The following GUCY1B1 variants were observed in gnomAD, a reference collection of about 807,000 sequenced individuals.
The protein encoded by GUCY1B1 is guanylate cyclase soluble subunit beta-1.
A neutral mutation model predicts 71.0 loss-of-function variants in GUCY1B1; 43 were observed. The ratio of observed to expected loss-of-function variants is 0.61; its 90% CI spans 0.47 to 0.78. The LOEUF (loss-of-function observed/expected upper bound fraction) is 0.78, where lower values mean the gene tolerates loss of function less well. Ranked by LOEUF, GUCY1B1 falls within the 30% of genes least tolerant of loss-of-function variation. The probability of loss-of-function intolerance (pLI) is 0.00; values close to 1 mark genes in which losing one functional copy is unlikely to be tolerated. For missense variants in GUCY1B1, 535 were observed against 754.1 expected, an observed-to-expected ratio of 0.71 and a Z score of 3.40; for synonymous variants, 266 against 259.7, an observed-to-expected ratio of 1.02 and a Z score of -0.23.
chr4:155,782,557 A>G (rs1738508410), intron 4 of GUCY1B1, among the ~76,000 whole-genome samples: 1 of 152,220 alleles, frequency 6.6e-6, no homozygotes. Context: ...CTATTGCATT[A>G]TGGCACATTC....
rs574142367 is a variant in GUCY1B1, at chr4:155,775,191, T to C, written c.178+123T>C. Reference sequence around the variant, plus strand: ...CAGAGCATTTGTACAACCTGCATAGTTGTGTGGTGGGCATCCACATATCAT... The same window carrying C: ...CAGAGCATTTGTACAACCTGCATAGCTGTGTGGTGGGCATCCACATATCAT... On this transcript the variant is annotated intron_variant, in intron 3 of 13. Transcript: ENST00000264424. 1.0e-5 allele frequency: 7 copies of C among 676,656 alleles called. No homozygotes were observed. The East Asian group carries it at 1.5e-4, about 15-fold the overall frequency. The allele number at this position is 676,656 out of a possible 1,614,324, so 41.9% of individuals were successfully genotyped here.
At chr4:155,773,558 A>G (rs995274597) in intron 2 of GUCY1B1, among the ~76,000 whole-genome samples, 2 of 152,190 alleles carry the variant, frequency 1.3e-5, no homozygotes, top group East Asian at 1.9e-4. Flanking sequence ...CTCAAACTTA[A>G]TATGTTGAAA....
intron 4 of GUCY1B1, among the ~76,000 whole-genome samples, chr4:155,786,639 T>G (rs1738807948): frequency 6.6e-6 from 1 of 151,716 alleles, no homozygotes; most frequent in African/African-American, 2.4e-5. Flanking sequence ...CCTGCTAATT[T>G]CTTTTTTTTT....
chr4:155,788,141 G>T (rs1738923168), intron 4 of GUCY1B1, among the ~76,000 whole-genome samples: 1 of 152,170 alleles, frequency 6.6e-6, no homozygotes, highest in African/African-American at 2.4e-5. Context: ...TCCATTGCAG[G>T]TCTTACTGGA....
chr4:155,774,475 T>G (rs999922226), intron 2 of GUCY1B1, among the ~76,000 whole-genome samples: 1 of 152,188 alleles, frequency 6.6e-6, no homozygotes, highest in African/African-American at 2.4e-5. Flanking sequence ...GCTTTATTTT[T>G]CTCCAAAGTA....
At chr4:155,788,611 A>T (rs2111100885) in intron 4 of GUCY1B1, among the ~76,000 whole-genome samples, 1 of 152,370 alleles carries the variant, frequency 6.6e-6, no homozygotes, top group East Asian at 1.9e-4. Flanking sequence ...GATTAAGGCA[A>T]GGGAATCTTT....
At position 155,802,042 on chromosome 4, in the gene GUCY1B1, T is replaced by C. The variant is rs1387210508; in HGVS notation, c.1176-300T>C. ...GAATACAGGACTACAAATGAAAACT[T>C]TGATTTTCTATTACCAGTCTTTTTG... On this transcript the variant is annotated intron_variant, in intron 9 of 13. Coordinates refer to ENST00000264424, the MANE Select transcript of GUCY1B1 (RefSeq NM_000857.5). The surrounding 1 kb of genome is among the most constrained non-coding windows in gnomAD (Gnocchi z 4.3). Among the ~76,000 whole-genome samples, 1 of 152,160 alleles carries C rather than the reference T, an allele frequency of 6.6e-6. No individual in the cohort carries two copies. The highest frequency in any genetic ancestry group is 1.5e-5 in the Non-Finnish European group (1 of 68,034).
At chr4:155,783,143 C>T (rs905149572) in intron 4 of GUCY1B1, among the ~76,000 whole-genome samples, 2 of 152,056 alleles carry the variant, frequency 1.3e-5, no homozygotes, top group Admixed American at 6.5e-5. Context: ...TATTTTATGT[C>T]TGTGTTAATA....
intron 2 of GUCY1B1, among the ~76,000 whole-genome samples, chr4:155,763,653 A>G (rs1327583549): frequency 6.6e-6 from 1 of 152,198 alleles, no homozygotes; most frequent in African/African-American, 2.4e-5. Context: ...GATAGCATAT[A>G]CTTCCAGTTT....
At position 155,796,414 on chromosome 4, in the gene GUCY1B1, A is replaced by G. The variant is rs536997873; in HGVS notation, c.881A>G (p.Asp294Gly). Reference protein sequence around the residue: ...LLDVEKLECEDELTGTEISCL... With the variant: ...LLDVEKLECEGELTGTEISCL... ...GATGTGGAGAAATTAGAATGTGAGG[A>G]TGAACTGACTGGGACTGAGATCAGC... Residue 294 changes from aspartate (D) to glycine (G), a missense_variant, in exon 8 of 14, where the codon GAT (aspartate) becomes GGT (glycine). By Grantham distance (94) the Asp-to-Gly change is moderately conservative. Transcript: ENST00000264424. 28 of 1,613,264 alleles carry G rather than the reference A, an allele frequency of 1.7e-5. No homozygotes were observed. The South Asian group carries it at 3.0e-4, about 17-fold the overall frequency.
At chr4:155,770,726 A>G (rs1489056003) in intron 2 of GUCY1B1, among the ~76,000 whole-genome samples, 1 of 152,188 alleles carries the variant, frequency 6.6e-6, no homozygotes, top group African/African-American at 2.4e-5. Context: ...AAGGTTAGGT[A>G]TAAGGTGGTA....
chr4:155,773,977 G>C (rs899002126), intron 2 of GUCY1B1, among the ~76,000 whole-genome samples: 1 of 152,082 alleles, frequency 6.6e-6, no homozygotes, highest in Non-Finnish European at 1.5e-5. Context: ...ATGAGCCACC[G>C]CGCCCAGCCC....
chr4:155,774,852 A>T lies in GUCY1B1; in HGVS notation c.78-116A>T, dbSNP rs1579205720. 16 of 696,800 alleles carry T rather than the reference A, an allele frequency of 2.3e-5. No individual in the cohort carries two copies. The East Asian group carries it at 4.3e-4, about 19-fold the overall frequency. The allele number at this position is 696,800 out of a possible 1,614,324, so 43.2% of individuals were successfully genotyped here. A position where few individuals can be genotyped will look rare whatever the true frequency, so the allele number is the denominator to read the frequency against. ...ATGATGTTTAAACAAATTTGCCCAA[A>T]AAAACCAAATTCTATTTCAGAGATA... On this transcript the variant is annotated intron_variant, in intron 2 of 13. Coordinates refer to ENST00000264424, the MANE Select transcript of GUCY1B1 (RefSeq NM_000857.5).
intron 2 of GUCY1B1, among the ~76,000 whole-genome samples, chr4:155,763,646 A>C (rs560006690): frequency 7.2e-5 from 11 of 152,256 alleles, no homozygotes; most frequent in Admixed American, 5.9e-4. Flanking sequence ...TCTGTTGGAT[A>C]GCATATACTT....
chr4:155,787,122 G>A (rs182386955), intron 4 of GUCY1B1, among the ~76,000 whole-genome samples: 1 of 152,210 alleles, frequency 6.6e-6, no homozygotes, highest in East Asian at 1.9e-4. Context: ...GGGCTATGAA[G>A]CAGTTCTCAG....
chr4:155,786,270 CCTTTT>C (rs1227545443), intron 4 of GUCY1B1, among the ~76,000 whole-genome samples: 1 of 83,882 alleles, frequency 1.2e-5, no homozygotes, highest in Non-Finnish European at 2.2e-5. Flanking sequence ...GGTTCAATTT[CCTTTT>C]TTTTTTTTTT....
intron 2 of GUCY1B1, among the ~76,000 whole-genome samples, chr4:155,764,281 T>C (rs1319003461): frequency 6.6e-6 from 1 of 152,228 alleles, no homozygotes; most frequent in African/African-American, 2.4e-5. Context: ...TATAAAGCAA[T>C]TTCAAATTTC....
At chr4:155,773,989 C>A (rs1252926611) in intron 2 of GUCY1B1, among the ~76,000 whole-genome samples, 1 of 152,144 alleles carries the variant, frequency 6.6e-6, no homozygotes, top group East Asian at 1.9e-4. Flanking sequence ...GCCCAGCCCA[C>A]CAACACTTCT....
intron 4 of GUCY1B1, among the ~76,000 whole-genome samples, chr4:155,787,482 G>A (rs548847874): frequency 7.9e-5 from 12 of 152,272 alleles, no homozygotes; most frequent in Middle Eastern, 3.4e-3. Context: ...TCATGACCTA[G>A]CTCAAATCAC....
Sources: allele counts gnomAD v4.1 joint callset (sites outside exome capture counted in the v4.1 genomes callset), GRCh38; gene constraint gnomAD v4.1.1; non-coding constraint Gnocchi (gnomAD v3.1); transcripts MANE v1.5; gene names NCBI Gene and HGNC (gene_info 2026-07-23, HGNC 2026-07-21).